PCDHA4: variants seen among roughly 807,000 people sequenced by gnomAD.
The protein encoded by PCDHA4 is protocadherin alpha-4.
In PCDHA4, 49 loss-of-function variants were observed where a neutral mutation model predicts 61.4. The ratio of observed to expected loss-of-function variants is 0.80; its 90% CI spans 0.63 to 1.01. The LOEUF is 1.01. Ranked by LOEUF, PCDHA4 falls within the 50% of genes least tolerant of loss-of-function variation. PCDHA4 has a pLI of 0.00. For synonymous variants in PCDHA4, 590 were observed against 550.3 expected, an observed-to-expected ratio of 1.07 and a Z score of -1.01; for missense variants, 1,254 against 1,235.8, an observed-to-expected ratio of 1.01 and a Z score of -0.22.
chr5:140,844,983 A>G (rs1554140802), intron 1 of PCDHA4, among the ~76,000 whole-genome samples: 1 of 149,210 alleles, frequency 6.7e-6, no homozygotes, highest in Admixed American at 6.7e-5. Flanking sequence ...ATTGTTTTAA[A>G]TCTTTTAATC....
At chr5:140,883,390 G>T (rs373348994) in intron 1 of PCDHA4, 4 of 1,614,050 alleles carry the variant, frequency 2.5e-6, no homozygotes, top group East Asian at 4.5e-5. Context: ...TAATCAGTGT[G>T]TCCGATCGTG....
intron 1 of PCDHA4, among the ~76,000 whole-genome samples, chr5:140,950,741 C>A (rs149114023): frequency 1.3e-5 from 2 of 152,006 alleles, no homozygotes; most frequent in African/African-American, 4.8e-5. Flanking sequence ...ATCCTAATTT[C>A]TCTCTATCCT....
intron 3 of PCDHA4, among the ~76,000 whole-genome samples, chr5:140,997,851 C>T (rs1400770612): frequency 6.6e-6 from 1 of 152,122 alleles, no homozygotes. Flanking sequence ...CATTCTTATA[C>T]ATATTTCTTA....
chr5:140,824,752 G>A (rs1768348578), intron 1 of PCDHA4: 1 of 150,996 alleles, frequency 6.6e-6, no homozygotes, highest in African/African-American at 2.4e-5. Context: ...GAGCAAGAGT[G>A]CCTGGCCTAT....
chr5:140,884,461 G>A (rs2060188157), intron 1 of PCDHA4: 3 of 1,613,646 alleles, frequency 1.9e-6, no homozygotes, highest in African/African-American at 1.3e-5. Flanking sequence ...CCGAGGGCGC[G>A]TGCGCGCCGG....
chr5:140,825,182 T>C (rs1768472310), intron 1 of PCDHA4: 1 of 151,808 alleles, frequency 6.6e-6, no homozygotes. Context: ...CTAATGTATC[T>C]TGATGATCAT....
At chr5:140,900,546 G>A (rs1430203463) in intron 1 of PCDHA4, among the ~76,000 whole-genome samples, 3 of 152,162 alleles carry the variant, frequency 2.0e-5, no homozygotes, top group East Asian at 1.9e-4. Context: ...CAAAGTGCTG[G>A]GATTACAGGC....
chr5:140,917,817 T>C (rs2078372214), intron 1 of PCDHA4, among the ~76,000 whole-genome samples: 1 of 152,162 alleles, frequency 6.6e-6, no homozygotes, highest in Non-Finnish European at 1.5e-5. Flanking sequence ...TAGTTGAAGT[T>C]GGGTAGTGTG....
At chr5:141,006,368 C>A (rs1395158727) in intron 3 of PCDHA4, among the ~76,000 whole-genome samples, 1 of 151,954 alleles carries the variant, frequency 6.6e-6, no homozygotes, top group Non-Finnish European at 1.5e-5. Flanking sequence ...CCCACCACCA[C>A]GCCCGGCTAA....
intron 3 of PCDHA4, among the ~76,000 whole-genome samples, chr5:141,000,339 A>ATC (rs1414297743): frequency 9.8e-6 from 1 of 102,338 alleles, no homozygotes; most frequent in Non-Finnish European, 2.1e-5. Context: ...GCAAGGCCCT[A>ATC]TCTCTCTCTC....
chr5:140,809,877 A>C, intron 1 of PCDHA4: 1 of 248,142 alleles, frequency 4.0e-6, no homozygotes, highest in South Asian at 7.6e-5. Flanking sequence ...CTATTATTTA[A>C]CCTATTACAT....
At chr5:140,826,118 A>C (rs1008758273) in intron 1 of PCDHA4, among the ~76,000 whole-genome samples, 37 of 152,206 alleles carry the variant, frequency 2.4e-4, no homozygotes, top group African/African-American at 8.4e-4. Context: ...ATATATTCCT[A>C]ATATCCTGAG....
intron 1 of PCDHA4, chr5:140,877,685 C>G (rs377753884): frequency 5.0e-6 from 8 of 1,613,628 alleles, no homozygotes; most frequent in African/African-American, 2.7e-5. Flanking sequence ...GGCAAGCCCA[C>G]GCTGGTGTGC....
At chr5:140,823,407 G>A (rs1554129331) in intron 1 of PCDHA4, 18 of 1,613,060 alleles carry the variant, frequency 1.1e-5, no homozygotes, top group Non-Finnish European at 1.4e-5. Flanking sequence ...TGCCGCCTCT[G>A]GGCAGCAACG....
At chr5:140,834,589 A>C (rs782018607) in intron 1 of PCDHA4, 8 of 1,614,090 alleles carry the variant, frequency 5.0e-6, no homozygotes, top group Non-Finnish European at 6.8e-6. Context: ...GCGGTGTGCA[A>C]ATTCCGTGGG....
At chr5:140,969,598 T>C in intron 1 of PCDHA4, 1 of 790,872 alleles carries the variant, frequency 1.3e-6, no homozygotes, top group Non-Finnish European at 1.9e-6. Context: ...TAATATTTAA[T>C]GCTAAAACAC....
At chr5:140,941,743 C>G (rs2093156279) in intron 1 of PCDHA4, among the ~76,000 whole-genome samples, 1 of 152,172 alleles carries the variant, frequency 6.6e-6, no homozygotes, top group Admixed American at 6.5e-5. Context: ...ATTATCTTAT[C>G]AGATTTTCAG....
rs781813309 is a variant in PCDHA4 at position 140,808,144 on chromosome 5, T to C, written c.957T>C (p.Ile319=). ...DFEESKSYEI[I]VEGIDKGQLP... ...AAGAAAGCAAATCCTATGAAATTAT[T>C]GTAGAGGGCATTGATAAGGGACAGC... Residue 319 remains isoleucine, a synonymous_variant, in exon 1 of 4, where the codon ATT becomes ATC. Transcript: ENST00000530339. The C allele has an allele frequency of 1.2e-6, 2 of 1,614,138 alleles. No homozygotes were observed. Among genetic ancestry groups the C allele is most frequent in the Non-Finnish European group, 1.7e-6 (2 of 1,179,950 alleles).
intron 1 of PCDHA4, chr5:140,843,225 G>T: frequency 6.3e-7 from 1 of 1,596,120 alleles, no homozygotes; most frequent in East Asian, 2.2e-5. Flanking sequence ...AGCACCACTC[G>T]TGTCCTGGAC....
Sources: allele counts gnomAD v4.1 joint callset (sites outside exome capture counted in the v4.1 genomes callset), GRCh38; gene constraint gnomAD v4.1.1; transcripts MANE v1.5; gene names NCBI Gene and HGNC (gene_info 2026-07-23, HGNC 2026-07-21).